The following PBX3 variants were observed in gnomAD, a reference collection of about 807,000 sequenced individuals.
PBX3 encodes the protein PBX homeobox 3, also known as pre-B-cell leukemia transcription factor 3.
Under a neutral mutation model 48.5 loss-of-function variants are expected in PBX3, and 14 were observed. The ratio of observed to expected loss-of-function variants is 0.29; its 90% CI spans 0.19 to 0.45. The LOEUF is 0.45. PBX3 is among the 20% of genes least tolerant of loss of function. The pLI, the probability that PBX3 is intolerant of heterozygous loss-of-function variation, is 1.00. For synonymous variants in PBX3, 210 were observed against 200.3 expected (o/e 1.05, Z -0.41); for missense variants, 386 against 546.7 (o/e 0.71, Z 2.93).
At chr9:125,916,972 C>T (rs73668727) in intron 3 of PBX3, among the ~76,000 whole-genome samples, 5,970 of 152,076 alleles carry the variant, frequency 0.039, 414 homozygotes, top group African/African-American at 0.14. Context: ...GAGTTCAACC[C>T]CAAATAAGGA....
intron 2 of PBX3, among the ~76,000 whole-genome samples, chr9:125,784,086 T>C (rs191280138): frequency 8.9e-4 from 135 of 152,340 alleles, no homozygotes; most frequent in African/African-American, 3.1e-3. Flanking sequence ...TAATGTCTTC[T>C]GTGGATGGGC....
intron 3 of PBX3, among the ~76,000 whole-genome samples, chr9:125,916,266 A>C (rs1318435419): frequency 6.6e-6 from 1 of 152,176 alleles, no homozygotes; most frequent in Non-Finnish European, 1.5e-5. Context: ...TTTATGCACT[A>C]GCCTTGTTCA....
intron 2 of PBX3, among the ~76,000 whole-genome samples, chr9:125,798,826 T>C (rs1288425354): frequency 1.3e-5 from 2 of 152,066 alleles, no homozygotes; most frequent in Non-Finnish European, 2.9e-5. Flanking sequence ...TCTAATGAAA[T>C]TACTTTTAAC....
intron 2 of PBX3, among the ~76,000 whole-genome samples, chr9:125,850,489 A>G (rs1298850294): frequency 1.3e-5 from 2 of 152,062 alleles, no homozygotes. Context: ...GATGTTATAT[A>G]TATTAATTTT....
At chr9:125,803,127 T>C (rs1261144804) in intron 2 of PBX3, among the ~76,000 whole-genome samples, 1 of 145,454 alleles carries the variant, frequency 6.9e-6, no homozygotes. Context: ...AGAGTCTCGC[T>C]GTGTCGCCCA....
intron 2 of PBX3, among the ~76,000 whole-genome samples, chr9:125,769,027 CA>C (rs1375634028): frequency 1.1e-4 from 16 of 152,258 alleles, no homozygotes; most frequent in African/African-American, 3.4e-4. Flanking sequence ...GTGCTTTCCT[CA>C]CACTTGGCAT....
chr9:125,918,369 G>A (rs1448791273), intron 3 of PBX3, among the ~76,000 whole-genome samples: 2 of 151,006 alleles, frequency 1.3e-5, no homozygotes, highest in African/African-American at 4.9e-5. Flanking sequence ...AATCACCAGG[G>A]TTTTTTTTTA....
chr9:125,795,276 A>C (rs962187694), intron 2 of PBX3, among the ~76,000 whole-genome samples: 3 of 152,246 alleles, frequency 2.0e-5, no homozygotes, highest in Middle Eastern at 3.2e-3. Context: ...ATCTTAACAA[A>C]GAGGAAGTAT....
intron 2 of PBX3, among the ~76,000 whole-genome samples, chr9:125,911,735 C>T (rs534391138): frequency 6.6e-6 from 1 of 151,980 alleles, no homozygotes; most frequent in East Asian, 1.9e-4. Flanking sequence ...TAATTTGGGG[C>T]CTAAATTTAT....
At chr9:125,876,448 G>A (rs550188893) in intron 2 of PBX3, among the ~76,000 whole-genome samples, 12 of 152,184 alleles carry the variant, frequency 7.9e-5, no homozygotes, top group East Asian at 5.8e-4. Flanking sequence ...TACTCAATGC[G>A]GAGATGAGGA....
chr9:125,793,366 A>ATATATAT (rs1554855766), intron 2 of PBX3, among the ~76,000 whole-genome samples: 6,305 of 101,500 alleles, frequency 0.062, 288 homozygotes, highest in South Asian at 0.093. Flanking sequence ...GGAAAAAAAA[A>ATATATAT]ATATATATAT....
At chr9:125,754,785 A>G (rs969987183) in intron 2 of PBX3, among the ~76,000 whole-genome samples, 1 of 152,064 alleles carries the variant, frequency 6.6e-6, no homozygotes, top group African/African-American at 2.4e-5. Flanking sequence ...TAGCAAAAAA[A>G]TTGGTGTGAT....
At chr9:125,782,278 C>G (rs373712783) in intron 2 of PBX3, among the ~76,000 whole-genome samples, 3 of 152,114 alleles carry the variant, frequency 2.0e-5, no homozygotes, top group African/African-American at 7.2e-5. Flanking sequence ...TCTTGTGAGA[C>G]TTGTTAACTA....
rs1162862648 is a variant in PBX3 at position 125,748,605 on chromosome 9, G to C, written c.256G>C (p.Glu86Gln). The C allele has an allele frequency of 1.2e-6, 2 of 1,613,410 alleles. No homozygotes were observed. The highest frequency in any genetic ancestry group is 1.7e-6 in the Non-Finnish European group (2 of 1,179,878). ...MKPALFSVLC[E>Q]IKEKTGLSIR... Reference sequence around the variant, plus strand: ...ACCAGCGCTCTTCAGCGTCCTGTGTGAGATCAAAGAGAAAACAGGTAAGAC... The same window carrying C: ...ACCAGCGCTCTTCAGCGTCCTGTGTCAGATCAAAGAGAAAACAGGTAAGAC... Residue 86 changes from glutamate (E) to glutamine (Q), a missense_variant, in exon 2 of 9, where the codon GAG becomes CAG. Physicochemically the swap from Glu to Gln is conservative, Grantham distance 29. Coordinates refer to ENST00000373489, the MANE Select transcript of PBX3 (RefSeq NM_006195.6).
intron 2 of PBX3, among the ~76,000 whole-genome samples, chr9:125,858,313 C>T (rs935820280): frequency 7.2e-5 from 11 of 152,150 alleles, no homozygotes; most frequent in Non-Finnish European, 1.5e-4. Flanking sequence ...GTGGTCTGCT[C>T]ATTATACCTC....
At chr9:125,894,424 G>T (rs1353082442) in intron 2 of PBX3, among the ~76,000 whole-genome samples, 2 of 151,948 alleles carry the variant, frequency 1.3e-5, no homozygotes, top group African/African-American at 2.4e-5. Flanking sequence ...TTAACAGTTG[G>T]TCTCTGTTTG....
chr9:125,804,187 A>G (rs1184583393), intron 2 of PBX3, among the ~76,000 whole-genome samples: 1 of 152,256 alleles, frequency 6.6e-6, no homozygotes, highest in Non-Finnish European at 1.5e-5. Flanking sequence ...AATCAGTGGT[A>G]GGGTTTATAA....
chr9:125,787,031 T>C (rs924726214), intron 2 of PBX3, among the ~76,000 whole-genome samples: 17 of 151,990 alleles, frequency 1.1e-4, no homozygotes, highest in Non-Finnish European at 1.5e-5. Flanking sequence ...AGCCTATTTT[T>C]AGTTTTTATT....
intron 2 of PBX3, among the ~76,000 whole-genome samples, chr9:125,784,662 A>G (rs1837414027): frequency 6.6e-6 from 1 of 152,122 alleles, no homozygotes; most frequent in Non-Finnish European, 1.5e-5. Flanking sequence ...TTTGATAGGG[A>G]TTTCCTTGAA....
Sources: gnomAD v4.1 joint callset for allele counts (sites outside exome capture counted in the v4.1 genomes callset) on GRCh38, gnomAD v4.1.1 for gene constraint, MANE v1.5 for transcripts, NCBI Gene and HGNC (gene_info 2026-07-23, HGNC 2026-07-21) for gene names.